The following DNAAF4 variants were observed in gnomAD, a reference collection of about 807,000 sequenced individuals.
DNAAF4 encodes dynein axonemal assembly factor 4.
Under a neutral mutation model 51.8 loss-of-function variants are expected in DNAAF4, and 43 were observed. The ratio of observed to expected loss-of-function variants is 0.83; its 90% CI spans 0.65 to 1.07. DNAAF4 has a LOEUF of 1.07. Ranked by LOEUF, DNAAF4 falls within the 50% of genes least tolerant of loss-of-function variation. The pLI is 0.00. For missense variants in DNAAF4, 581 were observed against 493.0 expected (o/e 1.18, Z -1.69); for synonymous variants, 194 against 165.6 (o/e 1.17, Z -1.32).
intron 7 of DNAAF4, among the ~76,000 whole-genome samples, chr15:55,421,065 C>G (rs1414688620): frequency 6.6e-6 from 1 of 151,590 alleles, no homozygotes; most frequent in Admixed American, 6.6e-5. Flanking sequence ...TGGTGTGTGC[C>G]TATAGTCCCA....
At chr15:55,449,572 G>A (rs2057899240) in intron 6 of DNAAF4, among the ~76,000 whole-genome samples, 1 of 150,774 alleles carries the variant, frequency 6.6e-6, no homozygotes, top group Non-Finnish European at 1.5e-5. Context: ...GCTGAGGCAG[G>A]AGAATTGTTT....
chr15:55,489,370 T>C (rs1459290311), intron 4 of DNAAF4, among the ~76,000 whole-genome samples: 3 of 152,128 alleles, frequency 2.0e-5, no homozygotes, highest in Admixed American at 1.3e-4. Flanking sequence ...AGTTCAATTA[T>C]TAAGTAAAAG....
intron 4 of DNAAF4, among the ~76,000 whole-genome samples, chr15:55,469,363 A>G (rs2058216495): frequency 6.6e-6 from 1 of 150,860 alleles, no homozygotes. Flanking sequence ...AAAAAGAAAA[A>G]CAGAGTGTAC....
At chr15:55,421,960 T>C (rs1376415691) in intron 7 of DNAAF4, among the ~76,000 whole-genome samples, 2 of 149,998 alleles carry the variant, frequency 1.3e-5, no homozygotes, top group Non-Finnish European at 3.0e-5. Flanking sequence ...CCCAGGACTA[T>C]ACTAGGCACT....
intron 4 of DNAAF4, among the ~76,000 whole-genome samples, chr15:55,474,951 C>G (rs1392562412): frequency 6.6e-6 from 1 of 152,154 alleles, no homozygotes; most frequent in Non-Finnish European, 1.5e-5. Flanking sequence ...TGCACGCCAG[C>G]CTGGGATACA....
rs527436355 is a variant in DNAAF4, at chr15:55,479,019, C to A, written c.406-11858G>T. Among the ~76,000 whole-genome samples the A allele has an allele frequency of 2.0e-5, 3 of 151,890 alleles. No homozygotes were observed. In the South Asian group the frequency reaches 6.3e-4, roughly 32 times the overall value. On this transcript the variant is annotated intron_variant, in intron 4 of 9. Transcript: ENST00000321149. ...CTTGTATGGTTTTCATGAAAACCACCCTTAGTTAAGGCTACTTTAAAGGAT... is the reference window on the plus strand; with the variant it reads ...CTTGTATGGTTTTCATGAAAACCACACTTAGTTAAGGCTACTTTAAAGGAT...
At chr15:55,424,124 C>G (rs1015261824) in intron 7 of DNAAF4, among the ~76,000 whole-genome samples, 1 of 151,570 alleles carries the variant, frequency 6.6e-6, no homozygotes, top group Non-Finnish European at 1.5e-5. Context: ...ATGGGGACAC[C>G]ATACTCTTGA....
chr15:55,487,611 GTCTGCAGCTTAAT>G (rs1397158716), intron 4 of DNAAF4, among the ~76,000 whole-genome samples: 1 of 151,850 alleles, frequency 6.6e-6, no homozygotes, highest in Non-Finnish European at 1.5e-5. Flanking sequence ...CACCGTGAGG[GTCTGCAGCTTAAT>G]TCCTGAACTC....
At chr15:55,488,485 T>C (rs558922952) in intron 4 of DNAAF4, among the ~76,000 whole-genome samples, 13 of 152,290 alleles carry the variant, frequency 8.5e-5, no homozygotes, top group East Asian at 7.7e-4. Context: ...AGAGTGAAAA[T>C]AGCTTCAGCT....
At chr15:55,442,700 C>T in intron 6 of DNAAF4, 1 of 1,466,254 alleles carries the variant, frequency 6.8e-7, no homozygotes. Context: ...AGGGTCTTCT[C>T]ATCAACACTC....
At chr15:55,483,795 G>T (rs538889629) in intron 4 of DNAAF4, among the ~76,000 whole-genome samples, 1 of 136,548 alleles carries the variant, frequency 7.3e-6, no homozygotes, top group South Asian at 2.5e-4. Context: ...CAAAGTGCTG[G>T]GATTACAGGC....
At chr15:55,427,924 C>A (rs142045176), downstream of DNAAF4, among the ~76,000 whole-genome samples, 1 of 150,464 alleles carries the variant, frequency 6.6e-6, no homozygotes, top group African/African-American at 2.4e-5. Context: ...CATGAGCCAC[C>A]GCGCCTGGCC....
intron 4 of DNAAF4, among the ~76,000 whole-genome samples, chr15:55,479,285 C>T (rs1309569010): frequency 6.6e-6 from 1 of 151,880 alleles, no homozygotes; most frequent in African/African-American, 2.4e-5. Flanking sequence ...GAGGGACTGG[C>T]TGGAGCCGCA....
intron 4 of DNAAF4, among the ~76,000 whole-genome samples, chr15:55,484,896 C>T (rs1201699439): frequency 6.6e-6 from 1 of 152,190 alleles, no homozygotes; most frequent in African/African-American, 2.4e-5. Flanking sequence ...GCAGCCAATT[C>T]AATGGTGACC....
At chr15:55,424,070 ACAAAG>A (rs2057410095) in intron 7 of DNAAF4, among the ~76,000 whole-genome samples, 1 of 152,296 alleles carries the variant, frequency 6.6e-6, no homozygotes, top group Admixed American at 6.5e-5. Context: ...AGCCTGGGTG[ACAAAG>A]CAAGACTCTG....
intron 3 of DNAAF4, among the ~76,000 whole-genome samples, chr15:55,492,644 A>G (rs1433112917): frequency 3.3e-5 from 5 of 151,916 alleles, no homozygotes; most frequent in African/African-American, 1.2e-4. Context: ...GGTTCAAGCA[A>G]TTCTCCTGCC....
chr15:55,469,183 T>A (rs950121996), intron 4 of DNAAF4, among the ~76,000 whole-genome samples: 4 of 151,512 alleles, frequency 2.6e-5, no homozygotes. Flanking sequence ...AATACAAAAT[T>A]TAGCCGGGCT....
chr15:55,481,789 T>A (rs747819695), intron 4 of DNAAF4, among the ~76,000 whole-genome samples: 1 of 152,202 alleles, frequency 6.6e-6, no homozygotes, highest in East Asian at 1.9e-4. Context: ...CTTATTGGAA[T>A]TGGGCCAAAA....
At chr15:55,434,791 C>G in intron 8 of DNAAF4, 114 bp downstream of exon 8, 2 of 943,036 alleles carry the variant, frequency 2.1e-6, no homozygotes, top group Non-Finnish European at 2.9e-6. Context: ...GAAAGACAAT[C>G]TTTAAAATCT....
Sources: allele counts gnomAD v4.1 joint callset (sites outside exome capture counted in the v4.1 genomes callset), GRCh38; gene constraint gnomAD v4.1.1; transcripts MANE v1.5; gene names NCBI Gene and HGNC (gene_info 2026-07-23, HGNC 2026-07-21).